The following CTNNA2 variants were observed in gnomAD, a reference collection of about 807,000 sequenced individuals.
CTNNA2 encodes catenin alpha-2.
Under a neutral mutation model 101.0 loss-of-function variants are expected in CTNNA2, and 42 were observed. The observed-to-expected ratio is 0.42, with a 90% CI of 0.32 to 0.54. The LOEUF (loss-of-function observed/expected upper bound fraction) is 0.54, where lower values mean the gene tolerates loss of function less well. Ranked by LOEUF, CTNNA2 falls within the 20% of genes least tolerant of loss-of-function variation. The probability of loss-of-function intolerance (pLI) is 0.14; values close to 1 mark genes in which losing one functional copy is unlikely to be tolerated. For synonymous variants in CTNNA2, 450 were observed against 456.4 expected, an observed-to-expected ratio of 0.99 and a Z score of 0.18; for missense variants, 871 against 1,223.1, an observed-to-expected ratio of 0.71 and a Z score of 4.29.
intron 4 of CTNNA2, among the ~76,000 whole-genome samples, chr2:79,487,702 C>G (rs1671170923): frequency 6.6e-6 from 1 of 152,126 alleles, no homozygotes; most frequent in Admixed American, 6.5e-5. Context: ...GCAGATGACT[C>G]CAGCTCCTCA....
At position 80,607,510 on chromosome 2, in the gene CTNNA2, G is replaced by A. The variant is rs377385266; in HGVS notation, c.2296-674G>A. 7.2e-5 allele frequency among the ~76,000 whole-genome samples: 11 copies of A among 151,912 alleles called. No individual in the cohort carries two copies. In the South Asian group the frequency reaches 8.3e-4, roughly 11 times the overall value. ...CCTTAGCCAGAGTTGACTCCGGTGC[G>A]TCCATCAAAGGACTCTGTTGCTACT... On this transcript the variant is annotated intron_variant, in intron 16 of 18. Transcript: ENST00000402739.
chr2:80,027,531 G>C (rs983513838), intron 7 of CTNNA2, among the ~76,000 whole-genome samples: 2 of 152,214 alleles, frequency 1.3e-5, no homozygotes, highest in Non-Finnish European at 2.9e-5. Context: ...ACGAAGTGAG[G>C]AGATTAGATA....
In CTNNA2 at chr2:79,287,275, C is replaced by A. The variant is rs1675629114; in HGVS notation, c.-405-25434C>A. 2.6e-5 allele frequency among the ~76,000 whole-genome samples: 4 copies of A among 152,204 alleles called. No homozygotes were observed. In the South Asian group the frequency reaches 8.3e-4, roughly 31 times the overall value. ...CAGCTCGTCAAAGTCATTCTCCGTCCAGCTTTGTTCCGTTGCTGGTGAGGA... is the reference window on the plus strand; with the variant it reads ...CAGCTCGTCAAAGTCATTCTCCGTCAAGCTTTGTTCCGTTGCTGGTGAGGA... On this transcript the variant is annotated intron_variant, in intron 2 of 21. Transcript: ENST00000466387.
In CTNNA2 at chr2:80,302,961, G is replaced by A; in HGVS notation, c.1057-90250G>A. ...ATGTAGGTGAGGCGGTTGGAGTCCAGCTGCAGGGACTGCAGGTGCGGCACG... is the reference window on the plus strand; with the variant it reads ...ATGTAGGTGAGGCGGTTGGAGTCCAACTGCAGGGACTGCAGGTGCGGCACG... On this transcript the variant is annotated intron_variant, in intron 7 of 18. Coordinates refer to ENST00000402739, the MANE Select transcript of CTNNA2 (RefSeq NM_001282597.3). The surrounding 1 kb of genome is among the most constrained non-coding windows in gnomAD (Gnocchi z 6.4). 6.2e-7 allele frequency: 1 copy of A among 1,613,934 alleles called. No homozygotes were observed. The highest frequency in any genetic ancestry group is 8.5e-7 in the Non-Finnish European group (1 of 1,179,996).
At chr2:79,581,969 A>G (rs575519273) in intron 1 of CTNNA2, among the ~76,000 whole-genome samples, 67 of 152,374 alleles carry the variant, frequency 4.4e-4, no homozygotes, top group African/African-American at 1.5e-3. Flanking sequence ...ATGAAGAAAT[A>G]CAGCTGTAGG....
intron 6 of CTNNA2, among the ~76,000 whole-genome samples, chr2:79,902,407 G>A (rs976382534): frequency 1.1e-4 from 17 of 151,990 alleles, no homozygotes; most frequent in African/African-American, 3.9e-4. Flanking sequence ...TGCATTTCTT[G>A]TTATTGGATA....
At chr2:80,161,453 A>G (rs1261319662) in intron 7 of CTNNA2, among the ~76,000 whole-genome samples, 1 of 152,200 alleles carries the variant, frequency 6.6e-6, no homozygotes, top group African/African-American at 2.4e-5. Context: ...AAATGAAAAC[A>G]GTATCTTAAT....
chr2:79,919,622 G>T (rs1322438846), intron 7 of CTNNA2, among the ~76,000 whole-genome samples: 2 of 152,188 alleles, frequency 1.3e-5, no homozygotes, highest in Non-Finnish European at 2.9e-5. Context: ...TTTCAAAGAA[G>T]ACCTCACAAA....
chr2:80,512,810 CTT>C (rs1688814372), intron 9 of CTNNA2, among the ~76,000 whole-genome samples: 1 of 152,076 alleles, frequency 6.6e-6, no homozygotes, highest in African/African-American at 2.4e-5. Context: ...GTAATCACCT[CTT>C]ATATATAATG....
intron 2 of CTNNA2, among the ~76,000 whole-genome samples, chr2:79,297,144 C>A (rs1208306823): frequency 2.0e-5 from 3 of 151,894 alleles, no homozygotes; most frequent in Admixed American, 1.3e-4. Flanking sequence ...GCTGTGATCC[C>A]AGATGATTTT....
intron 2 of CTNNA2, among the ~76,000 whole-genome samples, chr2:79,198,519 C>T (rs1232931818): frequency 6.6e-6 from 1 of 152,186 alleles, no homozygotes; most frequent in Admixed American, 6.5e-5. Flanking sequence ...GAGTGACTCT[C>T]TCTGAGGAAG....
intron 1 of CTNNA2, among the ~76,000 whole-genome samples, chr2:79,515,011 G>A (rs1246916217): frequency 6.6e-6 from 1 of 152,176 alleles, no homozygotes; most frequent in African/African-American, 2.4e-5. Context: ...ATTGAGTGCT[G>A]ATTTGATGAA....
At chr2:79,224,414 G>C (rs1674383268) in intron 2 of CTNNA2, among the ~76,000 whole-genome samples, 1 of 152,020 alleles carries the variant, frequency 6.6e-6, no homozygotes, top group African/African-American at 2.4e-5. Flanking sequence ...CTATCACCCA[G>C]GTTCCACAAT....
At position 80,303,764 on chromosome 2, in the gene CTNNA2, C is replaced by T. The variant is rs764829434; in HGVS notation, c.1057-89447C>T. On this transcript the variant is annotated intron_variant, in intron 7 of 18. Transcript: ENST00000402739. The surrounding 1 kb of genome is among the most constrained non-coding windows in gnomAD (Gnocchi z 7.7). ...GGCCCCCAGCAGACACAAGACCACC[C>T]CCGAGGGCCTCCTCAGCAGCCAGTA... is the stretch of plus-strand genomic sequence containing the variant. 1 of 1,571,502 alleles carries T rather than the reference C, an allele frequency of 6.4e-7. No homozygotes were observed. The highest frequency in any genetic ancestry group is 8.6e-7 in the Non-Finnish European group (1 of 1,160,024).
chr2:80,622,182 A>C (rs1351375540), intron 18 of CTNNA2, among the ~76,000 whole-genome samples: 1 of 151,970 alleles, frequency 6.6e-6, no homozygotes, highest in Non-Finnish European at 1.5e-5. Context: ...GGAAGAATTT[A>C]GGAGGCAGCA....
intron 14 of CTNNA2, among the ~76,000 whole-genome samples, chr2:80,586,705 C>G (rs1222341247): frequency 1.3e-5 from 2 of 152,162 alleles, no homozygotes. Flanking sequence ...GCTACTTTAT[C>G]TTTCAAGATA....
chr2:80,056,540 A>G (rs1289706131), intron 7 of CTNNA2, among the ~76,000 whole-genome samples: 1 of 152,200 alleles, frequency 6.6e-6, no homozygotes, highest in African/African-American at 2.4e-5. Flanking sequence ...AAAGATAGGG[A>G]TCAAGCCTCA....
intron 9 of CTNNA2, among the ~76,000 whole-genome samples, chr2:80,539,782 C>T (rs562726071): frequency 3.9e-5 from 6 of 152,302 alleles, no homozygotes; most frequent in East Asian, 3.9e-4. Context: ...AGATCACCAA[C>T]GAGCTCTACC....
At chr2:80,639,509 C>CTTGA (rs1223737608) in intron 18 of CTNNA2, among the ~76,000 whole-genome samples, 1 of 90,076 alleles carries the variant, frequency 1.1e-5, no homozygotes. Context: ...CATGCCCAGC[C>CTTGA]TTGATGTGTG....
Sources: allele counts gnomAD v4.1 joint callset (sites outside exome capture counted in the v4.1 genomes callset), GRCh38; gene constraint gnomAD v4.1.1; non-coding constraint Gnocchi (gnomAD v3.1); transcripts MANE v1.5; gene names NCBI Gene and HGNC (gene_info 2026-07-23, HGNC 2026-07-21).